EVI5: variants seen among roughly 807,000 people sequenced by gnomAD.
EVI5 encodes ecotropic viral integration site 5.
EVI5 carries 73 observed loss-of-function variants against 112.0 expected under a neutral mutation model. The observed-to-expected ratio is 0.65, with a 90% confidence interval of 0.54 to 0.79. The LOEUF is 0.79. Among genes scored for constraint, EVI5 ranks in the 30% least tolerant of loss-of-function variants. The pLI is 0.00. For synonymous variants in EVI5, 305 were observed against 319.9 expected (o/e 0.95, Z 0.50); for missense variants, 900 against 968.8 (o/e 0.93, Z 0.94).
intron 18 of EVI5, among the ~76,000 whole-genome samples, chr1:92,596,735 C>T (rs1647987325): frequency 6.6e-6 from 1 of 152,134 alleles, no homozygotes. Context: ...GCTGGGATTA[C>T]AGGTGTGAGC....
chr1:92,609,355 T>C (rs1459552920), intron 16 of EVI5, among the ~76,000 whole-genome samples: 1 of 152,214 alleles, frequency 6.6e-6, no homozygotes. Flanking sequence ...TCATGTCATG[T>C]AATTTCATTT....
intron 19 of EVI5, among the ~76,000 whole-genome samples, chr1:92,548,051 A>C (rs139381627): frequency 0.031 from 4,681 of 152,172 alleles, 201 homozygotes; most frequent in African/African-American, 0.095. Context: ...CAAAAAAAGA[A>C]AATTTTAGAC....
At chr1:92,719,694 C>G (rs1398242136) in intron 2 of EVI5, among the ~76,000 whole-genome samples, 1 of 151,938 alleles carries the variant, frequency 6.6e-6, no homozygotes, top group Non-Finnish European at 1.5e-5. Context: ...AAGTTCTCGC[C>G]AGGGTAATCA....
chr1:92,620,407 C>A (rs1190222296), intron 16 of EVI5, among the ~76,000 whole-genome samples: 6 of 121,112 alleles, frequency 5.0e-5, no homozygotes, highest in Admixed American at 8.2e-5. Flanking sequence ...GTGGCATACA[C>A]AAATCTATAA....
chr1:92,652,357 T>A (rs1413886955), intron 13 of EVI5, among the ~76,000 whole-genome samples: 1 of 152,202 alleles, frequency 6.6e-6, no homozygotes, highest in Non-Finnish European at 1.5e-5. Flanking sequence ...TGGGAAAAGA[T>A]TATTGTTACT....
chr1:92,739,273 C>CAAAAAAAAA (rs72016918), intron 1 of EVI5, among the ~76,000 whole-genome samples: 4 of 76,468 alleles, frequency 5.2e-5, no homozygotes, highest in Non-Finnish European at 7.1e-5. Context: ...AACTCCGTCT[C>CAAAAAAAAA]AAAAAAAAAA....
chr1:92,577,404 C>T (rs1414798541), intron 18 of EVI5, among the ~76,000 whole-genome samples: 3 of 152,174 alleles, frequency 2.0e-5, no homozygotes, highest in Non-Finnish European at 4.4e-5. Flanking sequence ...TACGGCTTGC[C>T]GGCAGGGCAG....
intron 9 of EVI5, among the ~76,000 whole-genome samples, chr1:92,692,469 A>G (rs1669644998): frequency 6.6e-6 from 1 of 152,202 alleles, no homozygotes; most frequent in Non-Finnish European, 1.5e-5. Flanking sequence ...TATCAACATG[A>G]TGGTGGTTAT....
intron 16 of EVI5, among the ~76,000 whole-genome samples, chr1:92,619,188 G>C (rs1653939452): frequency 6.6e-6 from 1 of 152,106 alleles, no homozygotes; most frequent in African/African-American, 2.4e-5. Context: ...CAGTGGGCTG[G>C]GGTAGGCAGA....
chr1:92,663,711 C>T (rs75758615), intron 11 of EVI5, among the ~76,000 whole-genome samples: 9,202 of 152,040 alleles, frequency 0.061, 397 homozygotes, highest in Non-Finnish European at 0.09. Flanking sequence ...GTTTTCATTA[C>T]CTGGAACAAG....
intron 1 of EVI5, among the ~76,000 whole-genome samples, chr1:92,743,274 A>G (rs759064064): frequency 1.3e-5 from 2 of 152,008 alleles, no homozygotes; most frequent in Non-Finnish European, 2.9e-5. Context: ...AATCGCTTGA[A>G]CCCAGGAGGC....
Position 92,736,354 on chromosome 1 carries a change from G to C in EVI5, c.149+44C>G, listed in dbSNP as rs201063870. On this transcript the variant is annotated intron_variant, in intron 2 of 19. Coordinates refer to ENST00000684568, the MANE Select transcript of EVI5 (RefSeq NM_001350197.2). Reference sequence around the variant, plus strand: ...TAGTGTAAGTAAATATGAATGGCTGGATTTGTATAATTGGAGAGAAAAAAG... The same window carrying C: ...TAGTGTAAGTAAATATGAATGGCTGCATTTGTATAATTGGAGAGAAAAAAG... 346 of 1,295,306 alleles carry C rather than the reference G, an allele frequency of 2.7e-4. 4 individuals carry two copies. In the East Asian group the frequency reaches 7.9e-3, roughly 30 times the overall value. The allele number at this position is 1,295,306 out of a possible 1,614,324, so 80.2% of individuals were successfully genotyped here. A position where few individuals can be genotyped will look rare whatever the true frequency, so the allele number is the denominator to read the frequency against.
intron 2 of EVI5, chr1:92,714,053 C>T: frequency 7.1e-6 from 7 of 984,572 alleles, no homozygotes; most frequent in Non-Finnish European, 8.4e-6. Context: ...AAAAGAAAAG[C>T]ACATTTAACA....
chr1:92,532,804 T>C (rs1051157754), intron 19 of EVI5, among the ~76,000 whole-genome samples: 1 of 152,166 alleles, frequency 6.6e-6, no homozygotes, highest in Non-Finnish European at 1.5e-5. Flanking sequence ...GGGAAATTTA[T>C]AGCACCTAAA....
intron 2 of EVI5, among the ~76,000 whole-genome samples, chr1:92,733,454 T>C (rs1458561469): frequency 6.6e-6 from 1 of 151,486 alleles, no homozygotes; most frequent in Admixed American, 6.6e-5. Flanking sequence ...TAGCCCAAGC[T>C]GGAATGCAGT....
intron 1 of EVI5, among the ~76,000 whole-genome samples, chr1:92,783,319 A>G (rs1450631127): frequency 1.3e-5 from 2 of 150,724 alleles, no homozygotes; most frequent in Non-Finnish European, 2.9e-5. Flanking sequence ...TGAGGTCAGG[A>G]GTTCGAGACC....
At chr1:92,547,464 C>G (rs1451704340) in intron 19 of EVI5, among the ~76,000 whole-genome samples, 1 of 152,128 alleles carries the variant, frequency 6.6e-6, no homozygotes, top group African/African-American at 2.4e-5. Flanking sequence ...CAAACACATT[C>G]AAAAGCTAGC....
intron 19 of EVI5, among the ~76,000 whole-genome samples, chr1:92,531,613 A>G (rs937525951): frequency 6.6e-6 from 1 of 152,242 alleles, no homozygotes; most frequent in African/African-American, 2.4e-5. Flanking sequence ...TACAAACCAG[A>G]AGAGATTGGG....
At chr1:92,675,667 G>A (rs1018068479) in intron 10 of EVI5, among the ~76,000 whole-genome samples, 3 of 151,962 alleles carry the variant, frequency 2.0e-5, no homozygotes, top group African/African-American at 7.3e-5. Flanking sequence ...TAAAAGAAAA[G>A]CAAATAGGGC....
Sources: allele counts gnomAD v4.1 joint callset (sites outside exome capture counted in the v4.1 genomes callset), GRCh38; gene constraint gnomAD v4.1.1; transcripts MANE v1.5; gene names NCBI Gene and HGNC (gene_info 2026-07-23, HGNC 2026-07-21).